Variants in NFU1 observed in about 807,000 individuals in gnomAD.
NFU1 encodes NFU1 iron-sulfur cluster scaffold, also known as NFU1 iron-sulfur cluster scaffold homolog, mitochondrial.
A neutral mutation model predicts 32.2 loss-of-function variants in NFU1; 30 were observed. That is an observed-to-expected ratio of 0.93 (90% CI 0.70 to 1.26). NFU1 has a LOEUF of 1.26. Among genes scored for constraint, NFU1 ranks in the 50% most tolerant of loss-of-function variants. The pLI, the probability that NFU1 is intolerant of heterozygous loss-of-function variation, is 0.00. For synonymous variants in NFU1, 112 were observed against 104.6 expected (o/e 1.07, Z -0.43); for missense variants, 306 against 306.6 (o/e 1.00, Z 0.02).
chr2:69,418,611 C>T lies in NFU1; in HGVS notation c.369+927G>A, dbSNP rs190704851. On this transcript the variant is annotated intron_variant, in intron 4 of 7. Coordinates refer to ENST00000410022, the MANE Select transcript of NFU1 (RefSeq NM_001002755.4). ...CCTCCTGAGTAGCTGGGGCTACAGG[C>T]GCCCGCCACCATGCCCGGCTACTTT... Among the ~76,000 whole-genome samples the T allele has an allele frequency of 5.3e-3, 807 of 152,176 alleles. 2 individuals carry two copies. Among genetic ancestry groups the T allele is most frequent in the Admixed American group, 0.01 (154 of 15,290 alleles).
intron 6 of NFU1, among the ~76,000 whole-genome samples, chr2:69,404,012 G>T (rs774564439): frequency 2.0e-5 from 3 of 150,144 alleles, no homozygotes; most frequent in African/African-American, 4.9e-5. Flanking sequence ...CTAATTTTTT[G>T]TATTTTTAAT....
In NFU1 at chr2:69,415,302, A is replaced by G; in HGVS notation, c.370-3T>C. 3 of 1,529,918 alleles carry G rather than the reference A, an allele frequency of 2.0e-6. No homozygotes were observed. The highest frequency in any genetic ancestry group is 2.7e-6 in the Non-Finnish European group (3 of 1,104,224). 94.8% of individuals were successfully genotyped at this position (1,529,918 alleles called of 1,614,324 possible). On this transcript the variant is annotated splice_polypyrimidine_tract_variant and splice_region_variant and intron_variant, in intron 4 of 7. Coordinates refer to ENST00000410022, the MANE Select transcript of NFU1 (RefSeq NM_001002755.4). ...TTCCAGTCTAATTCTTCATTTTCCT[A>G]TAAACATTTAAAGGAAAATGCTGTA...
Position 69,406,015 on chromosome 2 carries a change from C to A in NFU1, c.545+7G>T, listed in dbSNP as rs750179976. 9 of 1,571,226 alleles carry A rather than the reference C, an allele frequency of 5.7e-6. No homozygotes were observed. The Admixed American group carries it at 1.5e-4, about 26-fold the overall frequency. On this transcript the variant is annotated splice_region_variant and intron_variant, in intron 6 of 7. Transcript: ENST00000410022. The stretch of plus-strand genomic sequence containing the variant: ...ACTTGAATTCAGGTAGAGAGAGGAG[C>A]ACGTACCGTATTCTAGTATCTAACA...
At chr2:69,438,861 T>TCCACCCCCCCAC (rs1558862343), upstream of NFU1, among the ~76,000 whole-genome samples, 9 of 85,644 alleles carry the variant, frequency 1.1e-4, no homozygotes, top group African/African-American at 6.9e-4. Flanking sequence ...TCTTCCCCCA[T>TCCACCCCCCCAC]CCAACCCCCC....
intron 6 of NFU1, among the ~76,000 whole-genome samples, chr2:69,403,897 GGT>G (rs1672605287): frequency 1.3e-5 from 2 of 150,688 alleles, no homozygotes; most frequent in Admixed American, 1.3e-4. Context: ...GGAGTGCAGT[GGT>G]GCAATCTTGG....
chr2:69,421,850 C>T (rs13396521), intron 3 of NFU1, among the ~76,000 whole-genome samples: 10 of 152,138 alleles, frequency 6.6e-5, no homozygotes, highest in African/African-American at 2.2e-4. Flanking sequence ...GGATGAGCCA[C>T]CGCACCTGGC....
intron 7 of NFU1, among the ~76,000 whole-genome samples, chr2:69,399,615 C>CAAA (rs555943713): frequency 7.6e-5 from 4 of 52,312 alleles, no homozygotes; most frequent in South Asian, 6.1e-4. Flanking sequence ...CCCGTCTCTA[C>CAAA]AAAAAAAAAA....
At chr2:69,405,819 TA>T (rs569425760) in intron 6 of NFU1, among the ~76,000 whole-genome samples, 98 of 152,336 alleles carry the variant, frequency 6.4e-4, no homozygotes, top group Admixed American at 3.1e-3. Context: ...TATGTTTAAA[TA>T]AATTGGATGT....
intron 7 of NFU1, 47 bp from the exon 8 acceptor site, chr2:69,396,337 G>A: frequency 6.9e-7 from 1 of 1,445,756 alleles, no homozygotes; most frequent in African/African-American, 1.4e-5. Context: ...AAAATGATTA[G>A]ATTTTGCTGT....
chr2:69,433,306 G>A lies in NFU1; in HGVS notation c.63-1301C>T, dbSNP rs186364988. Among the ~76,000 whole-genome samples, 354 of 151,892 alleles carry A rather than the reference G, an allele frequency of 2.3e-3. 5 individuals are homozygous for A. Among genetic ancestry groups the A allele is most frequent in the Non-Finnish European group, 5.9e-4 (40 of 67,910 alleles). ...CAATTCTGCTGCCTCAGCCTCCCGA[G>A]TAGCTGAGATTACAGGTGCCCGCCA... On this transcript the variant is annotated intron_variant, in intron 1 of 7. Coordinates refer to ENST00000410022, the MANE Select transcript of NFU1 (RefSeq NM_001002755.4).
chr2:69,438,661 C>T (rs1350458290), upstream of NFU1, among the ~76,000 whole-genome samples: 1 of 152,120 alleles, frequency 6.6e-6, no homozygotes. Flanking sequence ...GGAAACAGCA[C>T]ACCTGTTGTT....
chr2:69,399,598 G>T (rs151290803), intron 7 of NFU1, among the ~76,000 whole-genome samples: 310 of 137,702 alleles, frequency 2.3e-3, no homozygotes, highest in African/African-American at 8.2e-3. Context: ...GGGCAACATA[G>T]CAAGACCCCG....
chr2:69,439,407 G>A (rs770848071), upstream of NFU1, among the ~76,000 whole-genome samples: 4 of 152,292 alleles, frequency 2.6e-5, no homozygotes, highest in Non-Finnish European at 5.9e-5. Context: ...TGGTGGGTTC[G>A]TGGTCTCACT....
intron 6 of NFU1, among the ~76,000 whole-genome samples, chr2:69,402,645 G>A (rs1283006065): frequency 1.3e-5 from 2 of 151,944 alleles, no homozygotes; most frequent in East Asian, 1.9e-4. Context: ...GCAATGGCTC[G>A]ATCTCGGCTC....
chr2:69,412,639 C>T (rs867461093), intron 5 of NFU1, among the ~76,000 whole-genome samples: 40 of 152,286 alleles, frequency 2.6e-4, no homozygotes, highest in African/African-American at 9.4e-4. Flanking sequence ...CCCGCCTCGG[C>T]CTCCCAAATT....
intron 5 of NFU1, among the ~76,000 whole-genome samples, chr2:69,408,751 TATATATATATATATATATAC>T (rs1672784064): frequency 3.6e-5 from 1 of 28,084 alleles, no homozygotes. Flanking sequence ...TATATATATA[TATATATATATATATATATAC>T]ACACACACAT....
chr2:69,395,864 G>A (rs1672316527), downstream of NFU1: 1 of 165,118 alleles, frequency 6.1e-6, no homozygotes, highest in Non-Finnish European at 1.3e-5. Flanking sequence ...AAAAACTTCA[G>A]TAAAAATAGT....
At chr2:69,427,452 C>T (rs1036522683) in intron 2 of NFU1, among the ~76,000 whole-genome samples, 8 of 151,098 alleles carry the variant, frequency 5.3e-5, no homozygotes, top group African/African-American at 9.7e-5. Context: ...GAGGTAAAGG[C>T]AGGTGGATCA....
At chr2:69,397,607 GTT>G (rs892777740) in intron 7 of NFU1, among the ~76,000 whole-genome samples, 5,660 of 90,292 alleles carry the variant, frequency 0.063, 235 homozygotes, top group East Asian at 0.19. Context: ...ACAAAGTAAG[GTT>G]TTTTTTTTTA....
Sources: gnomAD v4.1 joint callset for allele counts (sites outside exome capture counted in the v4.1 genomes callset) on GRCh38, gnomAD v4.1.1 for gene constraint, MANE v1.5 for transcripts, NCBI Gene and HGNC (gene_info 2026-07-23, HGNC 2026-07-21) for gene names.